Variants in ZNF704 observed in about 807,000 individuals in gnomAD.
ZNF704 encodes the protein zinc finger protein 704, also known as glucocorticoid induced gene 1.
In ZNF704, 10 loss-of-function variants were observed where a neutral mutation model predicts 44.7. That is an observed-to-expected ratio of 0.22 (90% CI 0.14 to 0.38). ZNF704 has a LOEUF of 0.38. Ranked by LOEUF, ZNF704 falls within the 10% of genes least tolerant of loss-of-function variation. The pLI is 1.00. For synonymous variants in ZNF704, 211 were observed against 207.6 expected (o/e 1.02, Z -0.14); for missense variants, 390 against 545.5 (o/e 0.71, Z 2.84).
At chr8:80,742,342 G>T (rs1806774834) in intron 2 of ZNF704, among the ~76,000 whole-genome samples, 1 of 152,154 alleles carries the variant, frequency 6.6e-6, no homozygotes, top group African/African-American at 2.4e-5. Context: ...CTCCCCTCAG[G>T]ATGGCTAGCC....
At chr8:80,766,119 A>G (rs1807222978) in intron 2 of ZNF704, among the ~76,000 whole-genome samples, 1 of 152,022 alleles carries the variant, frequency 6.6e-6, no homozygotes, top group South Asian at 2.1e-4. Context: ...TAATAATACC[A>G]GTTATATTAT....
At chr8:80,729,708 C>CT (rs1270057685) in intron 2 of ZNF704, among the ~76,000 whole-genome samples, 1 of 152,166 alleles carries the variant, frequency 6.6e-6, no homozygotes, top group African/African-American at 2.4e-5. Context: ...TGCTGACTGG[C>CT]TGGCAGGTAA....
chr8:80,809,811 A>C (rs540209249), intron 2 of ZNF704, among the ~76,000 whole-genome samples: 17 of 152,248 alleles, frequency 1.1e-4, no homozygotes, highest in Non-Finnish European at 1.8e-4. Context: ...AGGGATCTTA[A>C]ATTCAAGATG....
chr8:80,653,031 C>T (rs200350889), intron 7 of ZNF704, among the ~76,000 whole-genome samples: 9 of 151,774 alleles, frequency 5.9e-5, no homozygotes, highest in East Asian at 3.9e-4. Context: ...AATCAATAAA[C>T]GTAATCCAGC....
intron 2 of ZNF704, among the ~76,000 whole-genome samples, chr8:80,697,143 G>C (rs945464347): frequency 6.6e-6 from 1 of 152,158 alleles, no homozygotes; most frequent in South Asian, 2.1e-4. Context: ...GGCTTACTGG[G>C]AGACTACTCA....
At chr8:80,768,061 GC>G (rs1807257845) in intron 2 of ZNF704, among the ~76,000 whole-genome samples, 1 of 152,128 alleles carries the variant, frequency 6.6e-6, no homozygotes, top group Admixed American at 6.6e-5. Context: ...CCAAGGGCAT[GC>G]ATGTTGCAAC....
intron 2 of ZNF704, among the ~76,000 whole-genome samples, chr8:80,768,678 T>C (rs982050181): frequency 6.6e-6 from 1 of 152,136 alleles, no homozygotes; most frequent in African/African-American, 2.4e-5. Flanking sequence ...GCTATCTAAC[T>C]CAACTCCATC....
chr8:80,856,804 C>T (rs1808969878), intron 1 of ZNF704, among the ~76,000 whole-genome samples: 1 of 152,116 alleles, frequency 6.6e-6, no homozygotes, highest in Admixed American at 6.5e-5. Flanking sequence ...CAATTTTGGT[C>T]TTGCTTTTCA....
rs1014907843 is a variant in ZNF704 at position 80,874,699 on chromosome 8, A to G, written c.-150T>C. ...TCGCTGGAAGTAAGGTTGTCTGTCAAAGTTAGACTTTGAACGTAGAGATTT... is the reference window on the plus strand; with the variant it reads ...TCGCTGGAAGTAAGGTTGTCTGTCAGAGTTAGACTTTGAACGTAGAGATTT... On this transcript the variant is annotated 5_prime_UTR_variant, in exon 1 of 9. Transcript: ENST00000327835. This position sits in a 1 kb window ranked among gnomAD's most constrained non-coding sequence, Gnocchi z 4.4. The G allele has an allele frequency of 6.6e-6, 1 of 152,116 alleles. No individual in the cohort carries two copies. Among genetic ancestry groups the G allele is most frequent in the African/African-American group, 2.4e-5 (1 of 41,428 alleles). 9.4% of individuals were successfully genotyped at this position (152,116 alleles called of 1,614,324 possible). A position where few individuals can be genotyped will look rare whatever the true frequency, so the allele number is the denominator to read the frequency against.
At chr8:80,671,439 A>AATAAT (rs1402982715) in intron 4 of ZNF704, among the ~76,000 whole-genome samples, 2 of 152,252 alleles carry the variant, frequency 1.3e-5, no homozygotes, top group Non-Finnish European at 2.9e-5. Context: ...ATAAAATAGG[A>AATAAT]ATAATAACAG....
chr8:80,778,721 C>A (rs541928343), intron 2 of ZNF704, among the ~76,000 whole-genome samples: 6 of 152,280 alleles, frequency 3.9e-5, no homozygotes, highest in Admixed American at 2.6e-4. Flanking sequence ...ATGGATGGAG[C>A]TGGGGGCCAT....
intron 1 of ZNF704, among the ~76,000 whole-genome samples, chr8:80,859,332 AG>A (rs1809019883): frequency 6.6e-6 from 1 of 152,228 alleles, no homozygotes; most frequent in Non-Finnish European, 1.5e-5. Flanking sequence ...TTAATCTACC[AG>A]GGGTAGGAAA....
At chr8:80,705,299 G>A (rs931772753) in intron 2 of ZNF704, among the ~76,000 whole-genome samples, 6 of 152,124 alleles carry the variant, frequency 3.9e-5, no homozygotes, top group Non-Finnish European at 8.8e-5. Flanking sequence ...GTATGGGTGT[G>A]TGTATATCTG....
intron 1 of ZNF704, among the ~76,000 whole-genome samples, chr8:80,852,861 C>T (rs756096809): frequency 4.6e-5 from 7 of 152,158 alleles, no homozygotes; most frequent in Non-Finnish European, 7.3e-5. Flanking sequence ...CCCCAAAGTG[C>T]CTAGCATGGT....
At chr8:80,830,104 C>T (rs1808444115) in intron 1 of ZNF704, among the ~76,000 whole-genome samples, 1 of 151,918 alleles carries the variant, frequency 6.6e-6, no homozygotes, top group South Asian at 2.1e-4. Context: ...TGAGAGCTCA[C>T]AGGAGAGGAG....
chr8:80,713,777 T>C (rs1179294441), intron 2 of ZNF704, among the ~76,000 whole-genome samples: 1 of 152,202 alleles, frequency 6.6e-6, no homozygotes, highest in African/African-American at 2.4e-5. Flanking sequence ...GCTGGCTGTG[T>C]CTAAATGTCA....
chr8:80,652,003 A>G (rs1817928389), intron 7 of ZNF704, among the ~76,000 whole-genome samples: 1 of 152,180 alleles, frequency 6.6e-6, no homozygotes, highest in Admixed American at 6.5e-5. Flanking sequence ...AGAACTCAGG[A>G]TTAAGAAACT....
intron 1 of ZNF704, among the ~76,000 whole-genome samples, chr8:80,865,338 G>T (rs1809136617): frequency 6.6e-6 from 1 of 152,178 alleles, no homozygotes; most frequent in Non-Finnish European, 1.5e-5. Context: ...ATGTAGCCAT[G>T]CAACAAGTGA....
At chr8:80,686,651 C>T (rs150613101) in intron 4 of ZNF704, among the ~76,000 whole-genome samples, 110 of 152,194 alleles carry the variant, frequency 7.2e-4, no homozygotes, top group Non-Finnish European at 1.5e-3. Flanking sequence ...CCTCTGTCTC[C>T]CAAAGCAGTG....
Sources: allele counts gnomAD v4.1 joint callset (sites outside exome capture counted in the v4.1 genomes callset), GRCh38; gene constraint gnomAD v4.1.1; non-coding constraint Gnocchi (gnomAD v3.1); transcripts MANE v1.5; gene names NCBI Gene and HGNC (gene_info 2026-07-23, HGNC 2026-07-21).